Variants in SND1 observed in about 807,000 individuals in gnomAD.
The protein encoded by SND1 is staphylococcal nuclease and tudor domain containing 1, also known as staphylococcal nuclease domain-containing protein 1.
Under a neutral mutation model 121.7 loss-of-function variants are expected in SND1, and 38 were observed. The ratio of observed to expected loss-of-function variants is 0.31; its 90% CI spans 0.24 to 0.41. The LOEUF is 0.41. SND1 is among the 10% of genes least tolerant of loss of function. The probability of loss-of-function intolerance (pLI) is 1.00; values close to 1 mark genes in which losing one functional copy is unlikely to be tolerated. For missense variants in SND1, 868 were observed against 1,184.6 expected (o/e 0.73, Z 3.92); for synonymous variants, 401 against 447.4 (o/e 0.90, Z 1.31).
intron 1 of SND1, among the ~76,000 whole-genome samples, chr7:127,684,827 G>T (rs1795785625): frequency 6.6e-6 from 1 of 152,158 alleles, no homozygotes; most frequent in South Asian, 2.1e-4. Context: ...TTAGGCCAGG[G>T]TCTGTGTGCT....
intron 14 of SND1, among the ~76,000 whole-genome samples, chr7:127,916,573 T>A (rs1800584529): frequency 6.6e-6 from 1 of 152,190 alleles, no homozygotes. Context: ...GACCAAGCCC[T>A]TTATTTCAAG....
intron 11 of SND1, among the ~76,000 whole-genome samples, chr7:127,841,473 A>G (rs1798963859): frequency 3.9e-5 from 6 of 152,118 alleles, no homozygotes; most frequent in Admixed American, 2.0e-4. Flanking sequence ...GATACTTTAC[A>G]TGGTATAGCC....
At chr7:127,890,552 G>T (rs1177316386) in intron 13 of SND1, among the ~76,000 whole-genome samples, 1 of 152,114 alleles carries the variant, frequency 6.6e-6, no homozygotes, top group African/African-American at 2.4e-5. Flanking sequence ...ACAGTGGAAT[G>T]TATAGTTATA....
intron 12 of SND1, among the ~76,000 whole-genome samples, chr7:127,847,024 T>C (rs1044965293): frequency 1.3e-5 from 2 of 152,118 alleles, no homozygotes; most frequent in African/African-American, 4.8e-5. Flanking sequence ...TCCCAGCACT[T>C]TGGGAGGCCG....
intron 10 of SND1, among the ~76,000 whole-genome samples, chr7:127,801,342 T>A (rs937562445): frequency 3.2e-4 from 48 of 152,246 alleles, no homozygotes; most frequent in African/African-American, 1.1e-3. Context: ...CTTTTTTGCA[T>A]ACTTAATGTG....
chr7:128,030,811 T>A, intron 16 of SND1: 1 of 809,218 alleles, frequency 1.2e-6, no homozygotes, highest in Non-Finnish European at 1.9e-6. Context: ...CCTGCCAAAC[T>A]CGAGCGGCCC....
chr7:128,077,342 G>C (rs1387973399), intron 17 of SND1, among the ~76,000 whole-genome samples: 5 of 152,266 alleles, frequency 3.3e-5, no homozygotes, highest in Non-Finnish European at 7.3e-5. Context: ...AGGGCAGGGA[G>C]AGGAGAGGAG....
At chr7:127,707,240 G>T (rs1201524565) in intron 8 of SND1, among the ~76,000 whole-genome samples, 1 of 152,072 alleles carries the variant, frequency 6.6e-6, no homozygotes, top group Non-Finnish European at 1.5e-5. Context: ...TAGATGTGTG[G>T]GTTCTTCCCA....
At chr7:127,843,232 A>G (rs1201383582) in intron 11 of SND1, among the ~76,000 whole-genome samples, 21 of 152,120 alleles carry the variant, frequency 1.4e-4, no homozygotes, top group Admixed American at 1.4e-3. Context: ...TGTTGAGCCT[A>G]CCTTAACACA....
In SND1 at chr7:127,848,873, C is replaced by T. The variant is rs1190658451; in HGVS notation, c.1343+4449C>T. 2.6e-5 allele frequency among the ~76,000 whole-genome samples: 4 copies of T among 152,224 alleles called. No individual in the cohort carries two copies. The East Asian group carries it at 5.8e-4, about 22-fold the overall frequency. On this transcript the variant is annotated intron_variant, in intron 12 of 23. Transcript: ENST00000354725. ...TTCCTCTCGATGTATGGGAAGGAGT[C>T]GCATCACAGGATGCTGGCAGGGCCT... is the stretch of plus-strand genomic sequence containing the variant.
rs570702350 is a variant in SND1 at position 128,076,145 on chromosome 7, AAG to A, written c.1968+1458_1968+1459del. Among the ~76,000 whole-genome samples, 58 of 152,246 alleles carry A rather than the reference AAG, an allele frequency of 3.8e-4. 3 individuals carry two copies. Among genetic ancestry groups the A allele is most frequent in the Admixed American group, 3.1e-3 (48 of 15,308 alleles). On this transcript the variant is annotated intron_variant, in intron 17 of 23. Transcript: ENST00000354725. ...AGAGCTGGGCGATCCTCTACCCTCT[AAG>A]AGTAGAGACTCTAGAGGAACCCAGG... is the stretch of plus-strand genomic sequence containing the variant.
chr7:127,810,348 T>C (rs1469656332), intron 11 of SND1, among the ~76,000 whole-genome samples: 2 of 152,194 alleles, frequency 1.3e-5, no homozygotes, highest in African/African-American at 4.8e-5. Flanking sequence ...GGTAGAAGAA[T>C]ACTGTGTGTA....
At chr7:127,807,892 A>G (rs1209369271) in intron 11 of SND1, among the ~76,000 whole-genome samples, 2 of 152,114 alleles carry the variant, frequency 1.3e-5, no homozygotes, top group African/African-American at 2.4e-5. Context: ...AGCCACCTTC[A>G]TTAAATGTCC....
chr7:127,933,515 C>G (rs139101567), intron 15 of SND1, among the ~76,000 whole-genome samples: 4 of 152,334 alleles, frequency 2.6e-5, no homozygotes, highest in Non-Finnish European at 5.9e-5. Context: ...CATCATGGCT[C>G]TACTGTGTAT....
At chr7:127,841,279 A>G (rs922285122) in intron 11 of SND1, among the ~76,000 whole-genome samples, 2 of 151,056 alleles carry the variant, frequency 1.3e-5, no homozygotes, top group African/African-American at 4.9e-5. Flanking sequence ...TTTTTTTTTT[A>G]AGCAGTGCTG....
At chr7:128,053,980 T>C (rs79436018) in intron 16 of SND1, among the ~76,000 whole-genome samples, 16,894 of 152,220 alleles carry the variant, frequency 0.11, 1,189 homozygotes, top group Admixed American at 0.21. Context: ...GTAATGGGAA[T>C]GGCCGGTACA....
In SND1 at chr7:128,074,495, G is replaced by C; in HGVS notation, c.1780-7G>C. 1.9e-6 allele frequency: 3 copies of C among 1,608,188 alleles called. No individual in the cohort carries two copies. The highest frequency in any genetic ancestry group is 2.6e-6 in the Non-Finnish European group (3 of 1,176,162). The stretch of plus-strand genomic sequence containing the variant: ...CCCACAGGCTTACGCCTGTCTCTCT[G>C]TCCCAGGTGGAGGTGGAGGTGGAGA... On this transcript the variant is annotated splice_region_variant and splice_polypyrimidine_tract_variant and intron_variant, in intron 16 of 23. Coordinates refer to ENST00000354725, the MANE Select transcript of SND1 (RefSeq NM_014390.4).
chr7:128,083,518 G>A (rs1044093184), intron 18 of SND1, among the ~76,000 whole-genome samples: 2 of 152,234 alleles, frequency 1.3e-5, no homozygotes, highest in African/African-American at 4.8e-5. Flanking sequence ...GCATGCTTAT[G>A]CAGTTTATTT....
chr7:127,994,133 G>T (rs1208219392), intron 16 of SND1, among the ~76,000 whole-genome samples: 2 of 152,148 alleles, frequency 1.3e-5, no homozygotes, highest in Non-Finnish European at 2.9e-5. Flanking sequence ...TCAAGCTTTA[G>T]ACAAGTCTTT....
Sources: allele counts gnomAD v4.1 joint callset (sites outside exome capture counted in the v4.1 genomes callset), GRCh38; gene constraint gnomAD v4.1.1; transcripts MANE v1.5; gene names NCBI Gene and HGNC (gene_info 2026-07-23, HGNC 2026-07-21).